Variants in ACAN observed in about 807,000 individuals in gnomAD.
ACAN encodes the protein aggrecan core protein.
ACAN carries 47 observed loss-of-function variants against 169.1 expected under a neutral mutation model. The observed-to-expected ratio is 0.28, with a 90% CI of 0.22 to 0.35. ACAN has a LOEUF of 0.35. Ranked by LOEUF, ACAN falls within the 10% of genes least tolerant of loss-of-function variation. The pLI is 1.00. For synonymous variants in ACAN, 1,115 were observed against 1,112.2 expected (o/e 1.00, Z -0.05); for missense variants, 2,716 against 2,759.9 (o/e 0.98, Z 0.36).
chr15:88,823,694 C>T (rs1032173788), intron 1 of ACAN, among the ~76,000 whole-genome samples: 5 of 152,074 alleles, frequency 3.3e-5, no homozygotes, highest in Middle Eastern at 3.2e-3. Flanking sequence ...CCTTCCTTTC[C>T]GGTACCTGGA....
intron 1 of ACAN, among the ~76,000 whole-genome samples, chr15:88,832,431 G>A (rs1341235018): frequency 6.6e-6 from 1 of 152,020 alleles, no homozygotes; most frequent in African/African-American, 2.4e-5. Context: ...CCAACATGGT[G>A]AAACCATGTC....
chr15:88,818,036 T>G (rs990514766), intron 1 of ACAN, among the ~76,000 whole-genome samples: 2 of 152,260 alleles, frequency 1.3e-5, no homozygotes, highest in Admixed American at 6.5e-5. Flanking sequence ...TTTTGCAGTT[T>G]ACTTTTTGTG....
At chr15:88,812,311 C>T (rs757553326) in intron 1 of ACAN, among the ~76,000 whole-genome samples, 3 of 152,206 alleles carry the variant, frequency 2.0e-5, no homozygotes, top group Non-Finnish European at 2.9e-5. Context: ...CCTCCTAAGT[C>T]ACTGCAAGTA....
intron 4 of ACAN, among the ~76,000 whole-genome samples, chr15:88,841,106 C>T (rs576610179): frequency 4.6e-5 from 7 of 152,364 alleles, no homozygotes; most frequent in East Asian, 1.9e-4. Context: ...GATCGCGCCA[C>T]TGCACTCCAG....
intron 1 of ACAN, among the ~76,000 whole-genome samples, chr15:88,824,319 C>CAAA (rs763174904): frequency 8.2e-6 from 1 of 122,364 alleles, no homozygotes; most frequent in Admixed American, 8.0e-5. Context: ...GACTCCGTCT[C>CAAA]AAAAAAAAAA....
chr15:88,811,207 C>T (rs1053553852), intron 1 of ACAN, among the ~76,000 whole-genome samples: 1 of 152,228 alleles, frequency 6.6e-6, no homozygotes, highest in Admixed American at 6.5e-5. Flanking sequence ...TTTTGGGTCT[C>T]TTCCCTGCAG....
chr15:88,832,005 T>C (rs181107084), intron 1 of ACAN, among the ~76,000 whole-genome samples: 3 of 152,256 alleles, frequency 2.0e-5, no homozygotes, highest in Non-Finnish European at 4.4e-5. Context: ...TAAATTATAA[T>C]GTGGCTGAGC....
intron 1 of ACAN, among the ~76,000 whole-genome samples, chr15:88,805,553 C>A (rs2141479007): frequency 6.6e-6 from 1 of 152,282 alleles, no homozygotes; most frequent in East Asian, 1.9e-4. Context: ...TATTTTCATT[C>A]ATTCTCCAAT....
rs764283130 is a variant in ACAN at position 88,847,369 on chromosome 15, C to G, written c.1556C>G (p.Ala519Gly). The change falls in exon 8 of 19, where the codon GCA (alanine) becomes GGA (glycine). Residue 519 changes from alanine (A) to glycine (G), a missense_variant. Physicochemically the swap from Ala to Gly is moderately conservative, Grantham distance 60. Around this residue, in one of 3 missense-constraint regions of ACAN, gnomAD observed 1,283 missense variants for 1,281.5 expected, o/e 1.00. Transcript: ENST00000560601. ...GAGCAGCTCCAGGCCGCCTACGAAG[C>G]AGGCTATGAGCAGTGTGACGCCGGC... ...SPEQLQAAYEAGYEQCDAGWL... is the reference protein window; with the variant it reads ...SPEQLQAAYEGGYEQCDAGWL... The G allele has an allele frequency of 9.4e-6, 15 of 1,593,800 alleles. No individual in the cohort carries two copies. The East Asian group carries it at 2.5e-4, about 27-fold the overall frequency.
chr15:88,849,287 C>T lies in ACAN; in HGVS notation c.1733-151C>T. 1 of 745,708 alleles carries T rather than the reference C, an allele frequency of 1.3e-6. No individual in the cohort carries two copies. The highest frequency in any genetic ancestry group is 2.1e-6 in the Non-Finnish European group (1 of 479,752). The allele number at this position is 745,708 out of a possible 1,614,324, so 46.2% of individuals were successfully genotyped here. On this transcript the variant is annotated intron_variant, in intron 9 of 18. Coordinates refer to ENST00000560601, the MANE Select transcript of ACAN (RefSeq NM_001369268.1). The surrounding 1 kb of genome is among the most constrained non-coding windows in gnomAD (Gnocchi z 5.1). ...CCTATTTCCCAGGGTCCCAGAAAAT[C>T]TAAGGGGGAGTGGTCAAAAAAGGGG...
intron 4 of ACAN, among the ~76,000 whole-genome samples, chr15:88,841,202 G>A (rs1244297774): frequency 6.6e-6 from 1 of 152,246 alleles, no homozygotes; most frequent in Non-Finnish European, 1.5e-5. Context: ...CTGCGTGACT[G>A]TGGACAAATG....
intron 2 of ACAN, among the ~76,000 whole-genome samples, chr15:88,837,744 G>A (rs1896540413): frequency 6.6e-6 from 1 of 152,128 alleles, no homozygotes; most frequent in Admixed American, 6.5e-5. Flanking sequence ...GTTAAGGCCT[G>A]GACTCTAAGC....
At position 88,858,996 on chromosome 15, in the gene ACAN, C is replaced by G. The variant is rs34543273; in HGVS notation, c.6411C>G (p.His2137Gln). The change falls in exon 12 of 19, where the codon CAC becomes CAG. Residue 2137 changes from histidine (H) to glutamine (Q), a missense_variant. This residue lies in a region of ACAN where 1,389 missense variants were observed against 1,363.7 expected (regional missense o/e 1.02). Coordinates refer to ENST00000560601, the MANE Select transcript of ACAN (RefSeq NM_001369268.1). This position sits in a 1 kb window ranked among gnomAD's most constrained non-coding sequence, Gnocchi z 4.0. ...PDLSETTSAF[H>Q]EANLERSSGL... The stretch of plus-strand genomic sequence containing the variant: ...TGAGTGAAACCACCTCTGCATTCCA[C>G]GAAGCTAACCTTGAGAGATCCTCTG... 2 of 1,613,940 alleles carry G rather than the reference C, an allele frequency of 1.2e-6. No homozygotes were observed. Among genetic ancestry groups the G allele is most frequent in the African/African-American group, 2.7e-5 (2 of 75,050 alleles).
intron 13 of ACAN, among the ~76,000 whole-genome samples, chr15:88,862,721 G>C (rs982312578): frequency 6.6e-6 from 1 of 152,198 alleles, no homozygotes; most frequent in Non-Finnish European, 1.5e-5. Context: ...GGATCGGCCA[G>C]GTGCAGTGGC....
rs1242151781 is a variant in ACAN at position 88,843,537 on chromosome 15, G to T, written c.940G>T (p.Ala314Ser). The change falls in exon 6 of 19, where the codon GCC (alanine) becomes TCC (serine). Residue 314 changes from alanine to serine, a missense_variant. Physicochemically the swap from Ala to Ser is moderately conservative, Grantham distance 99. Around this residue, in one of 3 missense-constraint regions of ACAN, gnomAD observed 1,283 missense variants for 1,281.5 expected, o/e 1.00. Transcript: ENST00000560601. This position sits in a 1 kb window ranked among gnomAD's most constrained non-coding sequence, Gnocchi z 4.0. The stretch of plus-strand genomic sequence containing the variant: ...CAGCGTGCGCTACCCCATCTCCAAG[G>T]CCCGGCCCAACTGCGGTGGCAACCT... ...DRSVRYPISKARPNCGGNLLG... is the reference protein window; with the variant it reads ...DRSVRYPISKSRPNCGGNLLG... The T allele has an allele frequency of 6.2e-7, 1 of 1,612,740 alleles. No homozygotes were observed. Among genetic ancestry groups the T allele is most frequent in the East Asian group, 2.2e-5 (1 of 44,872 alleles).
Position 88,854,958 on chromosome 15 carries a change from G to T in ACAN, c.2373G>T (p.Glu791Asp), listed in dbSNP as rs1318322830. ...PSASEEPSPS[E>D]VPFPSEEPSP... Reference sequence around the variant, plus strand: ...CCTCAGAGGAACCATCCCCCTCAGAGGTGCCATTCCCCTCAGAGGAGCCAT... The same window carrying T: ...CCTCAGAGGAACCATCCCCCTCAGATGTGCCATTCCCCTCAGAGGAGCCAT... Residue 791 changes from glutamate (E) to aspartate (D), a missense_variant, in exon 12 of 19, where the codon GAG becomes GAT. Around this residue, in one of 3 missense-constraint regions of ACAN, gnomAD observed 1,283 missense variants for 1,281.5 expected, o/e 1.00. Transcript: ENST00000560601. 6.3e-6 allele frequency: 10 copies of T among 1,599,560 alleles called. No homozygotes were observed. Among genetic ancestry groups the T allele is most frequent in the Non-Finnish European group, 8.5e-6 (10 of 1,173,632 alleles).
intron 1 of ACAN, among the ~76,000 whole-genome samples, chr15:88,827,543 T>C (rs1401545566): frequency 6.6e-6 from 1 of 152,216 alleles, no homozygotes; most frequent in African/African-American, 2.4e-5. Flanking sequence ...TCGATATAGA[T>C]GCAAATTGCA....
intron 1 of ACAN, among the ~76,000 whole-genome samples, chr15:88,809,620 T>C (rs56764902): frequency 0.017 from 2,577 of 152,374 alleles, 59 homozygotes; most frequent in African/African-American, 0.057. Context: ...TGGGCAATCC[T>C]TCACTTTGTC....
chr15:88,847,358 C>T lies in ACAN; in HGVS notation c.1545C>T (p.Ala515=), dbSNP rs907402183. Residue 515 remains alanine (A), a synonymous_variant, in exon 8 of 19, where the codon GCC becomes GCT. Coordinates refer to ENST00000560601, the MANE Select transcript of ACAN (RefSeq NM_001369268.1). ...AVIASPEQLQ[A]AYEAGYEQCD... The stretch of plus-strand genomic sequence containing the variant: ...TTGCCTCGCCGGAGCAGCTCCAGGC[C>T]GCCTACGAAGCAGGCTATGAGCAGT... 1.6e-5 allele frequency: 25 copies of T among 1,589,752 alleles called. No homozygotes were observed. Among genetic ancestry groups the T allele is most frequent in the South Asian group, 2.3e-5 (2 of 86,972 alleles).
Sources: gnomAD v4.1 joint callset for allele counts (sites outside exome capture counted in the v4.1 genomes callset) on GRCh38, gnomAD v4.1.1 for gene constraint, gnomAD v4.1.1 regional missense constraint, Gnocchi (gnomAD v3.1) non-coding constraint, MANE v1.5 for transcripts, NCBI Gene and HGNC (gene_info 2026-07-23, HGNC 2026-07-21) for gene names.